KIAA1671: variants seen among roughly 807,000 people sequenced by gnomAD.
KIAA1671 encodes the protein KIAA1671, also known as uncharacterized protein KIAA1671.
Under a neutral mutation model 131.2 loss-of-function variants are expected in KIAA1671, and 52 were observed. The observed-to-expected ratio is 0.40, with a 90% CI of 0.32 to 0.50. KIAA1671 has a LOEUF of 0.50. KIAA1671 is among the 20% of genes least tolerant of loss of function. The pLI, the probability that KIAA1671 is intolerant of heterozygous loss-of-function variation, is 0.73. For missense variants in KIAA1671, 2,360 were observed against 2,364.2 expected (o/e 1.00, Z 0.04); for synonymous variants, 1,003 against 961.6 (o/e 1.04, Z -0.80).
At chr22:25,082,784 G>A (rs1331366949) in intron 6 of KIAA1671, among the ~76,000 whole-genome samples, 1 of 152,158 alleles carries the variant, frequency 6.6e-6, no homozygotes, top group East Asian at 1.9e-4. Context: ...AGTGAGCTAT[G>A]GTTGTGCCAC....
At chr22:25,147,933 T>C (rs774632232) in intron 6 of KIAA1671, among the ~76,000 whole-genome samples, 45 of 152,158 alleles carry the variant, frequency 3.0e-4, no homozygotes, top group Non-Finnish European at 5.6e-4. Context: ...CTTTATATTA[T>C]CTGGATTCTA....
intron 1 of KIAA1671, among the ~76,000 whole-genome samples, chr22:25,003,482 G>C (rs1452079077): frequency 7.2e-6 from 1 of 137,936 alleles, no homozygotes; most frequent in African/African-American, 2.9e-5. Context: ...AACAATCTCA[G>C]TTCACTGCAA....
rs1203844996 is a variant in KIAA1671, at chr22:25,034,648, C to T, written c.1629+1952C>T. Reference sequence around the variant, plus strand: ...GTTGTTATCTGTTTGGGGCAATTACCAGTGAAGCTGCTGTGAACATTTGTG... The same window carrying T: ...GTTGTTATCTGTTTGGGGCAATTACTAGTGAAGCTGCTGTGAACATTTGTG... On this transcript the variant is annotated intron_variant, in intron 4 of 12. Coordinates refer to ENST00000358431, the MANE Select transcript of KIAA1671 (RefSeq NM_001145206.2). Among the ~76,000 whole-genome samples, 4 of 152,216 alleles carry T rather than the reference C, an allele frequency of 2.6e-5. No individual in the cohort carries two copies. The East Asian group carries it at 7.7e-4, about 29-fold the overall frequency.
At chr22:25,123,642 C>T (rs1932049903) in intron 6 of KIAA1671, among the ~76,000 whole-genome samples, 1 of 152,182 alleles carries the variant, frequency 6.6e-6, no homozygotes, top group Admixed American at 6.5e-5. Context: ...TCCAGTCCAC[C>T]ACCAGCAAGG....
At chr22:25,003,838 T>C (rs944893921) in intron 1 of KIAA1671, among the ~76,000 whole-genome samples, 1 of 151,932 alleles carries the variant, frequency 6.6e-6, no homozygotes, top group Non-Finnish European at 1.5e-5. Flanking sequence ...AGGATTTTTT[T>C]TTTTTTTTGA....
Position 25,041,228 on chromosome 22 carries a change from G to GC in KIAA1671, c.4104dup (p.Thr1369HisfsTer2). ...GTGGGGTCAGGGTGTCACCCAAATC[G>GC]CCCCCCACTGACCAGAAGAAAGGGA... On this transcript the variant is annotated frameshift_variant, in exon 5 of 13. Coordinates refer to ENST00000358431, the MANE Select transcript of KIAA1671 (RefSeq NM_001145206.2). LOFTEE classifies it high-confidence loss of function. 2 of 1,551,682 alleles carry GC rather than the reference G, an allele frequency of 1.3e-6. No individual in the cohort carries two copies. Among genetic ancestry groups the GC allele is most frequent in the Non-Finnish European group, 1.7e-6 (2 of 1,147,006 alleles).
At chr22:24,984,912 CAAAAAAAAAAAAAAA>C (rs60969204) in intron 1 of KIAA1671, among the ~76,000 whole-genome samples, 1 of 54,416 alleles carries the variant, frequency 1.8e-5, no homozygotes, top group African/African-American at 6.8e-5. Flanking sequence ...GACTACGTCT[CAAAAAAAAAAAAAAA>C]AAAAAAAAAA....
chr22:25,041,840 G>A (rs1381880239), intron 5 of KIAA1671, among the ~76,000 whole-genome samples: 3 of 152,158 alleles, frequency 2.0e-5, no homozygotes, highest in Non-Finnish European at 2.9e-5. Flanking sequence ...AATCTCCTGG[G>A]CTCAAGCCAT....
chr22:25,074,971 A>G (rs187144003), intron 6 of KIAA1671, among the ~76,000 whole-genome samples: 5 of 152,326 alleles, frequency 3.3e-5, no homozygotes, highest in Admixed American at 1.3e-4. Flanking sequence ...CTTATTTTAG[A>G]ATACTTGAGA....
intron 4 of KIAA1671, among the ~76,000 whole-genome samples, chr22:25,035,393 T>C (rs1201369030): frequency 6.6e-6 from 1 of 152,128 alleles, no homozygotes; most frequent in African/African-American, 2.4e-5. Context: ...AGGAGTAGAA[T>C]GGCTGGATCA....
intron 1 of KIAA1671, among the ~76,000 whole-genome samples, chr22:25,024,980 G>C (rs1925856128): frequency 6.6e-6 from 1 of 150,878 alleles, no homozygotes; most frequent in African/African-American, 2.4e-5. Context: ...GTCTGTGTCT[G>C]TGTGTGAGCA....
Position 25,049,219 on chromosome 22 carries a change from C to G in KIAA1671, c.4396-11C>G. The G allele has an allele frequency of 6.4e-7, 1 of 1,551,006 alleles. No individual in the cohort carries two copies. The highest frequency in any genetic ancestry group is 8.7e-7 in the Non-Finnish European group (1 of 1,146,256). ...CCCAGTAAAGTCCTTTTCTTGTGCTCTGTGTTTCAGGTGCTGCCACGGGAC... is the reference window on the plus strand; with the variant it reads ...CCCAGTAAAGTCCTTTTCTTGTGCTGTGTGTTTCAGGTGCTGCCACGGGAC... On this transcript the variant is annotated splice_polypyrimidine_tract_variant and intron_variant, in intron 5 of 12. Coordinates refer to ENST00000358431, the MANE Select transcript of KIAA1671 (RefSeq NM_001145206.2).
intron 2 of KIAA1671, among the ~76,000 whole-genome samples, chr22:25,026,933 C>T (rs1925977869): frequency 6.6e-6 from 1 of 152,124 alleles, no homozygotes; most frequent in African/African-American, 2.4e-5. Flanking sequence ...GAAAACAGAT[C>T]TCATAGCAGG....
chr22:25,181,639 A>G (rs1934279156), intron 9 of KIAA1671, 60 bp from the exon 10 acceptor site: 9 of 1,544,792 alleles, frequency 5.8e-6, no homozygotes, highest in Non-Finnish European at 7.0e-6. Flanking sequence ...ATTATCTGGC[A>G]TGTAGGACCT....
intron 10 of KIAA1671, among the ~76,000 whole-genome samples, chr22:25,184,598 A>G (rs1934407442): frequency 6.6e-6 from 1 of 152,098 alleles, no homozygotes; most frequent in Non-Finnish European, 1.5e-5. Flanking sequence ...ACTTCATTTT[A>G]TTTACATGGC....
In KIAA1671 at chr22:25,181,970, G is replaced by A. The variant is rs1934293836; in HGVS notation, c.5199+147G>A. The A allele has an allele frequency of 3.9e-6, 3 of 765,412 alleles. No homozygotes were observed. The African/African-American group carries it at 5.3e-5, about 14-fold the overall frequency. The allele number at this position is 765,412 out of a possible 1,614,324, so 47.4% of individuals were successfully genotyped here. A position where few individuals can be genotyped will look rare whatever the true frequency, so the allele number is the denominator to read the frequency against. On this transcript the variant is annotated intron_variant, in intron 10 of 12. Coordinates refer to ENST00000358431, the MANE Select transcript of KIAA1671 (RefSeq NM_001145206.2). ...AGTTGGGCGGATCACGAGATCAGGA[G>A]ATCGAGACCATCCTGGATAACATGG...
At chr22:25,159,100 G>A (rs1933346881) in intron 6 of KIAA1671, among the ~76,000 whole-genome samples, 1 of 152,048 alleles carries the variant, frequency 6.6e-6, no homozygotes, top group South Asian at 2.1e-4. Flanking sequence ...CTCTGAGGCC[G>A]ACAGGAGCCT....
At chr22:25,189,998 G>A (rs1414669329) in intron 11 of KIAA1671, among the ~76,000 whole-genome samples, 1 of 152,142 alleles carries the variant, frequency 6.6e-6, no homozygotes, top group African/African-American at 2.4e-5. Flanking sequence ...TTGGCACCAT[G>A]GACCAGTTTT....
Position 25,040,603 on chromosome 22 carries a change from G to A in KIAA1671, c.3473G>A (p.Gly1158Glu), listed in dbSNP as rs1309117648. ...ESANKMSPSG[G>E]APQTTPTLRS... Reference sequence around the variant, plus strand: ...GCGAACAAGATGTCCCCCAGCGGCGGAGCTCCCCAAACCACCCCGACTCTG... The same window carrying A: ...GCGAACAAGATGTCCCCCAGCGGCGAAGCTCCCCAAACCACCCCGACTCTG... The change falls in exon 5 of 13, where the codon GGA becomes GAA. Residue 1158 changes from glycine to glutamate, a missense_variant. By Grantham distance (98) the Gly-to-Glu change is moderately conservative. Coordinates refer to ENST00000358431, the MANE Select transcript of KIAA1671 (RefSeq NM_001145206.2). 7 of 1,551,802 alleles carry A rather than the reference G, an allele frequency of 4.5e-6. No individual in the cohort carries two copies. Among genetic ancestry groups the A allele is most frequent in the Admixed American group, 3.9e-5 (2 of 51,006 alleles).
Sources: gnomAD v4.1 joint callset for allele counts (sites outside exome capture counted in the v4.1 genomes callset) on GRCh38, gnomAD v4.1.1 for gene constraint, MANE v1.5 for transcripts, NCBI Gene and HGNC (gene_info 2026-07-23, HGNC 2026-07-21) for gene names.